RIMKLB: variants seen among roughly 807,000 people sequenced by gnomAD.
The protein encoded by RIMKLB is beta-citrylglutamate synthase B.
In RIMKLB, 7 loss-of-function variants were observed where a neutral mutation model predicts 32.0. The ratio of observed to expected loss-of-function variants is 0.22; its 90% CI spans 0.12 to 0.41. The LOEUF (loss-of-function observed/expected upper bound fraction) is 0.41, where lower values mean the gene tolerates loss of function less well. Ranked by LOEUF, RIMKLB falls within the 10% of genes least tolerant of loss-of-function variation. The pLI is 1.00. For missense variants in RIMKLB, 289 were observed against 498.7 expected (o/e 0.58, Z 4.00); for synonymous variants, 172 against 185.1 (o/e 0.93, Z 0.57).
chr12:8,712,223 A>AGT (rs1455266899), intron 1 of RIMKLB, among the ~76,000 whole-genome samples: 1 of 151,794 alleles, frequency 6.6e-6, no homozygotes, highest in African/African-American at 2.4e-5. Flanking sequence ...CCCAGGCTGG[A>AGT]GTGCAATAGC....
chr12:8,694,477 C>A (rs1354880079), upstream of RIMKLB, among the ~76,000 whole-genome samples: 6 of 137,640 alleles, frequency 4.4e-5, no homozygotes, highest in African/African-American at 8.0e-5. Context: ...CTTGCTGCAA[C>A]CTCCACCCCC....
chr12:8,732,982 C>T (rs1007919691), intron 2 of RIMKLB, among the ~76,000 whole-genome samples: 2 of 152,066 alleles, frequency 1.3e-5, no homozygotes, highest in Non-Finnish European at 2.9e-5. Context: ...CAGTTTGCAA[C>T]TTTGAATAAG....
rs938053866 is a variant in RIMKLB at position 8,771,992 on chromosome 12, G to A, written c.698-1329G>A. On this transcript the variant is annotated intron_variant, in intron 5 of 5. Transcript: ENST00000535829. ...CAACTTCCACCTCCTGGGTTCAAGCGATTCTTGTGCCTCAGCTTCCTGAGT... is the reference window on the plus strand; with the variant it reads ...CAACTTCCACCTCCTGGGTTCAAGCAATTCTTGTGCCTCAGCTTCCTGAGT... 2.2e-4 allele frequency among the ~76,000 whole-genome samples: 33 copies of A among 152,124 alleles called. 1 individual carries two copies. The highest frequency in any genetic ancestry group is 8.3e-4 in the South Asian group (4 of 4,824).
chr12:8,695,752 A>C (rs1334397312), upstream of RIMKLB, among the ~76,000 whole-genome samples: 1 of 149,062 alleles, frequency 6.7e-6, no homozygotes, highest in African/African-American at 2.5e-5. Flanking sequence ...GCTGGAGTGC[A>C]ATGGCACCAT....
chr12:8,704,999 C>CACACACACACACACACATACAAAAA (rs35908223), intron 1 of RIMKLB, among the ~76,000 whole-genome samples: 1 of 151,540 alleles, frequency 6.6e-6, no homozygotes, highest in African/African-American at 2.4e-5. Flanking sequence ...CACACACACA[C>CACACACACACACACACATACAAAAA]AAAACCCCAA....
At chr12:8,673,638 C>G in the RIMKLB span, among the ~76,000 whole-genome samples, 1 of 151,482 alleles carries the variant, frequency 6.6e-6, no homozygotes, top group East Asian at 1.9e-4. Context: ...CTCTGTCACT[C>G]AGGCTGGAGT....
intron 2 of RIMKLB, among the ~76,000 whole-genome samples, chr12:8,720,301 T>C (rs1399775323): frequency 6.6e-6 from 1 of 152,218 alleles, no homozygotes; most frequent in Non-Finnish European, 1.5e-5. Context: ...TTTTGATGGG[T>C]AAAAGACCTA....
intron 1 of RIMKLB, among the ~76,000 whole-genome samples, chr12:8,706,720 C>T (rs779466739): frequency 2.2e-4 from 33 of 151,880 alleles, no homozygotes; most frequent in Admixed American, 5.9e-4. Context: ...CTCCAAAGTG[C>T]TGGGATTACC....
chr12:8,739,828 T>C (rs1000865344), intron 2 of RIMKLB, among the ~76,000 whole-genome samples: 1 of 152,192 alleles, frequency 6.6e-6, no homozygotes, highest in African/African-American at 2.4e-5. Context: ...TACCTCCTTG[T>C]GTCATCACAT....
chr12:8,746,167 A>T (rs1213180047), intron 2 of RIMKLB, among the ~76,000 whole-genome samples: 2 of 151,720 alleles, frequency 1.3e-5, no homozygotes, highest in Non-Finnish European at 2.9e-5. Flanking sequence ...TTCTGCCCCA[A>T]ACCAGCTTCC....
chr12:8,761,436 G>A (rs935573042), intron 5 of RIMKLB, among the ~76,000 whole-genome samples: 3 of 151,676 alleles, frequency 2.0e-5, no homozygotes, highest in African/African-American at 7.3e-5. Context: ...TTAATAGAGC[G>A]AAAACAGAGC....
At chr12:8,738,344 A>G (rs1258092446) in intron 2 of RIMKLB, among the ~76,000 whole-genome samples, 2 of 152,168 alleles carry the variant, frequency 1.3e-5, no homozygotes, top group East Asian at 1.9e-4. Flanking sequence ...ACACCGTGCA[A>G]TTAATGGTTT....
intron 2 of RIMKLB, among the ~76,000 whole-genome samples, chr12:8,718,661 A>ATGTGTGTGTGTGTG (rs1287877829): frequency 4.2e-5 from 5 of 118,502 alleles, no homozygotes; most frequent in African/African-American, 1.2e-4. Context: ...CTCTATATAT[A>ATGTGTGTGTGTGTG]TATATATATG....
chr12:8,774,483 G>C lies in RIMKLB; in HGVS notation c.*699G>C. On this transcript the variant is annotated 3_prime_UTR_variant, in exon 6 of 6. Coordinates refer to ENST00000535829, the MANE Select transcript of RIMKLB (RefSeq NM_001297776.2). ...TACAAAATAACATTAATTCAATGTAGATAAAATTACACTAGTTTAAAATAT... is the reference window on the plus strand; with the variant it reads ...TACAAAATAACATTAATTCAATGTACATAAAATTACACTAGTTTAAAATAT... The C allele has an allele frequency of 1.0e-6, 1 of 983,102 alleles. No individual in the cohort carries two copies. Among genetic ancestry groups the C allele is most frequent in the Non-Finnish European group, 1.2e-6 (1 of 827,806 alleles). 60.9% of individuals were successfully genotyped at this position (983,102 alleles called of 1,614,324 possible).
intron 1 of RIMKLB, among the ~76,000 whole-genome samples, chr12:8,711,323 G>A (rs752032783): frequency 9.2e-5 from 14 of 151,472 alleles, no homozygotes; most frequent in African/African-American, 1.7e-4. Context: ...CACTTAGGCC[G>A]AGGAGTTTGA....
chr12:8,690,201 T>C (rs1942692153), intron 1 of RIMKLB, among the ~76,000 whole-genome samples: 1 of 152,126 alleles, frequency 6.6e-6, no homozygotes, highest in African/African-American at 2.4e-5. Context: ...CTGTAGAAAA[T>C]CCATTTATGA....
intron 2 of RIMKLB, among the ~76,000 whole-genome samples, chr12:8,725,567 C>T (rs901648154): frequency 6.6e-6 from 1 of 152,202 alleles, no homozygotes; most frequent in South Asian, 2.1e-4. Context: ...GCCCCGGCCC[C>T]TTTGCATATG....
chr12:8,705,778 T>C (rs950315321), intron 1 of RIMKLB, among the ~76,000 whole-genome samples: 5 of 152,246 alleles, frequency 3.3e-5, no homozygotes, highest in Admixed American at 2.6e-4. Flanking sequence ...CAGGACTTGA[T>C]GTTGCAGTCT....
intron 2 of RIMKLB, among the ~76,000 whole-genome samples, chr12:8,725,976 T>C (rs1407593958): frequency 6.6e-6 from 1 of 152,230 alleles, no homozygotes; most frequent in Non-Finnish European, 1.5e-5. Context: ...GCCTCCCGAA[T>C]AGCTGGGACT....
Sources: gnomAD v4.1 joint callset for allele counts (sites outside exome capture counted in the v4.1 genomes callset) on GRCh38, gnomAD v4.1.1 for gene constraint, MANE v1.5 for transcripts, NCBI Gene and HGNC (gene_info 2026-07-23, HGNC 2026-07-21) for gene names.